The following CPN2 variants were observed in gnomAD, a reference collection of about 807,000 sequenced individuals.
CPN2 encodes the protein carboxypeptidase N subunit 2, also known as carboxypeptidase N 83 kDa chain.
For synonymous variants in CPN2, 336 were observed against 318.4 expected (o/e 1.06, Z -0.59); for missense variants, 620 against 671.4 (o/e 0.92, Z 0.85).
chr3:194,350,799 G>A (rs554559181), intron 1 of CPN2, among the ~76,000 whole-genome samples: 4 of 151,876 alleles, frequency 2.6e-5, no homozygotes, highest in African/African-American at 9.7e-5. Context: ...AGACCAGCCT[G>A]AGCAACATAA....
In CPN2 at chr3:194,340,467, G is replaced by T. The variant is rs1455002603; in HGVS notation, c.*598C>A. ...CGCGACTCCCTAGACCCCTTAGGTA[G>T]GAATTTGGGCAAGATAAAAAAATCA... is the stretch of plus-strand genomic sequence containing the variant. On this transcript the variant is annotated 3_prime_UTR_variant, in exon 2 of 2. Transcript: ENST00000323830. 1.3e-5 allele frequency: 2 copies of T among 152,398 alleles called. No individual in the cohort carries two copies. The highest frequency in any genetic ancestry group is 2.9e-5 in the Non-Finnish European group (2 of 68,206). 9.4% of individuals were successfully genotyped at this position (152,398 alleles called of 1,614,324 possible).
intron 1 of CPN2, among the ~76,000 whole-genome samples, chr3:194,343,166 C>G (rs368021352): frequency 2.6e-5 from 4 of 152,102 alleles, no homozygotes; most frequent in African/African-American, 9.7e-5. Context: ...CTCCTCCTGC[C>G]CACCTCTGCC....
rs1002235038 is a variant in CPN2, at chr3:194,341,715, C to T, written c.988G>A (p.Ala330Thr). The T allele has an allele frequency of 6.2e-7, 1 of 1,613,948 alleles. No individual in the cohort carries two copies. Among genetic ancestry groups the T allele is most frequent in the African/African-American group, 1.3e-5 (1 of 74,890 alleles). Residue 330 changes from alanine (A) to threonine (T), a missense_variant, in exon 2 of 2, where the codon GCT (alanine) becomes ACT (threonine). Ala to Thr is a moderately conservative substitution (Grantham distance 58). Coordinates refer to ENST00000323830, the MANE Select transcript of CPN2 (RefSeq NM_001080513.4). ...TCCTCCAGGTCTCTGAAGATGCCAG[C>T]TGGGAGGTGGGTAATGGCATTGTAT... ...LSYNAITHLP[A>T]GIFRDLEELV... is the part of the protein sequence containing the mutation.
rs377745790 is a variant in CPN2, at chr3:194,344,610, G to T, written c.-3-1905C>A. ...CTCGGGAGGCTGAGGCAGGAGAATC[G>T]CTTGAACCCGGGTGGCAGAGGTTGC... On this transcript the variant is annotated intron_variant, in intron 1 of 1. Transcript: ENST00000323830. 4.6e-5 allele frequency among the ~76,000 whole-genome samples: 7 copies of T among 152,314 alleles called. No homozygotes were observed. In the East Asian group the frequency reaches 7.7e-4, roughly 17 times the overall value.
Position 194,341,277 on chromosome 3 carries a change from C to T in CPN2, c.1426G>A (p.Ala476Thr), listed in dbSNP as rs1181656238. Residue 476 changes from alanine (A) to threonine (T), a missense_variant, in exon 2 of 2, where the codon GCA becomes ACA. Coordinates refer to ENST00000323830, the MANE Select transcript of CPN2 (RefSeq NM_001080513.4). Reference protein sequence around the residue: ...GSWDLAVQERAARSQCTYSNP... With the variant: ...GSWDLAVQERTARSQCTYSNP... ...CTGTAGGTGCACTGGCTCCGGGCTG[C>T]CCTTTCCTGCACAGCCAGATCCCAG... is the stretch of plus-strand genomic sequence containing the variant. The T allele has an allele frequency of 5.0e-6, 8 of 1,613,306 alleles. No individual in the cohort carries two copies. Among genetic ancestry groups the T allele is most frequent in the African/African-American group, 4.0e-5 (3 of 74,948 alleles).
chr3:194,350,236 C>G (rs1163721609), intron 1 of CPN2, among the ~76,000 whole-genome samples: 3 of 152,222 alleles, frequency 2.0e-5, no homozygotes, highest in Non-Finnish European at 2.9e-5. Context: ...GCAAGCAGCT[C>G]TGCACCCCAG....
At position 194,342,444 on chromosome 3, in the gene CPN2, G is replaced by C; in HGVS notation, c.259C>G (p.Gln87Glu). The change falls in exon 2 of 2, where the codon CAG (glutamine) becomes GAG (glutamate). Residue 87 changes from glutamine to glutamate, a missense_variant. By Grantham distance (29) the Gln-to-Glu change is conservative. Transcript: ENST00000323830. ...KVVFLNTQLC[Q>E]FRPDAFGGLP... ...CCCCCGAAGGCATCCGGCCTAAACT[G>C]GCAGAGCTGAGTGTTGAGGAAGACC... 1.2e-6 allele frequency: 2 copies of C among 1,614,256 alleles called. No individual in the cohort carries two copies. Among genetic ancestry groups the C allele is most frequent in the Non-Finnish European group, 1.7e-6 (2 of 1,180,038 alleles).
intron 1 of CPN2, among the ~76,000 whole-genome samples, chr3:194,343,045 C>T (rs994523617): frequency 6.6e-5 from 10 of 152,204 alleles, no homozygotes; most frequent in African/African-American, 1.2e-4. Context: ...TCTCAGCACA[C>T]GTCAGAGCCA....
Position 194,341,527 on chromosome 3 carries a change from C to T in CPN2, c.1176G>A (p.Leu392=). Residue 392 remains leucine (L), a synonymous_variant, in exon 2 of 2, where the codon CTG becomes CTA. Coordinates refer to ENST00000323830, the MANE Select transcript of CPN2 (RefSeq NM_001080513.4). The part of the protein sequence containing the change: ...DTNYNLFNLA[L]HGNPWQCDCH... ...AGTCGCACTGCCAGGGGTTACCGTGCAGGGCCAGGTTGAACAGGTTGTAGT... is the reference window on the plus strand; with the variant it reads ...AGTCGCACTGCCAGGGGTTACCGTGTAGGGCCAGGTTGAACAGGTTGTAGT... The T allele has an allele frequency of 6.2e-7, 1 of 1,614,172 alleles. No individual in the cohort carries two copies.
In CPN2 at chr3:194,341,061, G is replaced by T; in HGVS notation, c.*4C>A. On this transcript the variant is annotated 3_prime_UTR_variant, in exon 2 of 2. Coordinates refer to ENST00000323830, the MANE Select transcript of CPN2 (RefSeq NM_001080513.4). ...CCCTTCCCCAGCTCCTGTATGCGCT[G>T]CTACTAGGGCCCTGCTGCCCGAGCC... The T allele has an allele frequency of 6.3e-7, 1 of 1,590,060 alleles. No homozygotes were observed. Among genetic ancestry groups the T allele is most frequent in the Non-Finnish European group, 8.6e-7 (1 of 1,165,124 alleles).
At chr3:194,345,389 C>T (rs1713008353) in intron 1 of CPN2, among the ~76,000 whole-genome samples, 1 of 152,218 alleles carries the variant, frequency 6.6e-6, no homozygotes, top group Admixed American at 6.5e-5. Context: ...TGCAGTGGCA[C>T]GATCATAGCT....
chr3:194,348,622 G>A (rs892108700), intron 1 of CPN2, among the ~76,000 whole-genome samples: 3 of 152,220 alleles, frequency 2.0e-5, no homozygotes, highest in Non-Finnish European at 4.4e-5. Flanking sequence ...TGGGTTCAGT[G>A]GCTCATGCCT....
At chr3:194,344,085 G>C (rs1227898244) in intron 1 of CPN2, among the ~76,000 whole-genome samples, 1 of 152,104 alleles carries the variant, frequency 6.6e-6, no homozygotes, top group African/African-American at 2.4e-5. Flanking sequence ...AGCGCTCCTC[G>C]CTGGCTGTCT....
intron 1 of CPN2, among the ~76,000 whole-genome samples, chr3:194,346,658 G>GCA (rs1490076422): frequency 6.6e-6 from 1 of 152,176 alleles, no homozygotes; most frequent in African/African-American, 2.4e-5. Context: ...CAAACAATGA[G>GCA]CACACTACTA....
Position 194,341,568 on chromosome 3 carries a change from C to T in CPN2, c.1135G>A (p.Gly379Ser). Reference sequence around the variant, plus strand: ...AGGTTGTAGTTGGTGTCGAAGATGCCCTCCGGAAGTGTGGTCAGCTGGTTC... The same window carrying T: ...AGGTTGTAGTTGGTGTCGAAGATGCTCTCCGGAAGTGTGGTCAGCTGGTTC... ...SKNQLTTLPE[G>S]IFDTNYNLFN... is the part of the protein sequence containing the mutation. Residue 379 changes from glycine to serine, a missense_variant, in exon 2 of 2, where the codon GGC becomes AGC. Physicochemically the swap from Gly to Ser is moderately conservative, Grantham distance 56 (BLOSUM62 0). Coordinates refer to ENST00000323830, the MANE Select transcript of CPN2 (RefSeq NM_001080513.4). 1.9e-6 allele frequency: 3 copies of T among 1,614,116 alleles called. No individual in the cohort carries two copies. The highest frequency in any genetic ancestry group is 2.5e-6 in the Non-Finnish European group (3 of 1,180,030).
intron 1 of CPN2, among the ~76,000 whole-genome samples, chr3:194,349,047 A>G (rs1308554830): frequency 6.6e-6 from 1 of 152,150 alleles, no homozygotes; most frequent in Non-Finnish European, 1.5e-5. Flanking sequence ...AGAAAACATA[A>G]TAGAAGCTTA....
intron 1 of CPN2, among the ~76,000 whole-genome samples, chr3:194,347,635 C>A (rs1713093609): frequency 2.1e-5 from 3 of 146,208 alleles, no homozygotes; most frequent in South Asian, 2.1e-4. Flanking sequence ...GCCAGCCCAC[C>A]CCACCCTCTG....
rs141360992 is a variant in CPN2, at chr3:194,341,205, G to A, written c.1498C>T (p.Arg500Cys). 142 of 1,613,564 alleles carry A rather than the reference G, an allele frequency of 8.8e-5. 1 individual carries two copies. The Middle Eastern group carries it at 8.3e-3, about 95-fold the overall frequency. The change falls in exon 2 of 2, where the codon CGC becomes TGC. Residue 500 changes from arginine (R) to cysteine (C), a missense_variant. Physicochemically the swap from Arg to Cys is radical, Grantham distance 180. Transcript: ENST00000323830. ...GGAGAGAGCTGGACGTTCAGCCAGC[G>A]ACACTGGGCCTGGTCACAGGCGAGC... ...VVLACDQAQCRWLNVQLSPQQ... is the reference protein window; with the variant it reads ...VVLACDQAQCCWLNVQLSPQQ...
At position 194,341,486 on chromosome 3, in the gene CPN2, A is replaced by T; in HGVS notation, c.1217T>A (p.Leu406His). Residue 406 changes from leucine to histidine, a missense_variant, in exon 2 of 2, where the codon CTC (leucine) becomes CAC (histidine). Coordinates refer to ENST00000323830, the MANE Select transcript of CPN2 (RefSeq NM_001080513.4). ...PWQCDCHLAY[L>H]FNWLQQYTDR... ...GGTGTACTGCTGCAGCCAGTTGAAG[A>T]GGTAGGCCAGGTGGCAGTCGCACTG... The T allele has an allele frequency of 1.9e-6, 3 of 1,614,166 alleles. No homozygotes were observed. The highest frequency in any genetic ancestry group is 2.5e-6 in the Non-Finnish European group (3 of 1,180,028).
Sources: allele counts gnomAD v4.1 joint callset (sites outside exome capture counted in the v4.1 genomes callset), GRCh38; gene constraint gnomAD v4.1.1; transcripts MANE v1.5; gene names NCBI Gene and HGNC (gene_info 2026-07-23, HGNC 2026-07-21).